TNFSF4: variants seen among roughly 807,000 people sequenced by gnomAD.
The protein encoded by TNFSF4 is TNF superfamily member 4.
TNFSF4 carries 4 observed loss-of-function variants against 7.3 expected under a neutral mutation model. That is an observed-to-expected ratio of 0.55 (90% CI 0.27 to 1.25). The LOEUF (loss-of-function observed/expected upper bound fraction) is 1.25. TNFSF4 is among the 50% of genes most tolerant of loss of function. The pLI, the probability that TNFSF4 is intolerant of heterozygous loss-of-function variation, is 0.12. For synonymous variants in TNFSF4, 76 were observed against 83.7 expected (o/e 0.91, Z 0.50); for missense variants, 181 against 208.8 (o/e 0.87, Z 0.82).
chr1:173,306,763 A>T, the TNFSF4 span, among the ~76,000 whole-genome samples: 3 of 151,830 alleles, frequency 2.0e-5, no homozygotes, highest in East Asian at 5.8e-4. Flanking sequence ...ACTCAATATG[A>T]CTTCCTCCTG....
At chr1:173,391,075 A>C in the TNFSF4 span, among the ~76,000 whole-genome samples, 24 of 152,184 alleles carry the variant, frequency 1.6e-4, no homozygotes, top group Admixed American at 8.5e-4. Flanking sequence ...GAAAAACTAT[A>C]AATTATGAAA....
chr1:173,248,449 A>C, the TNFSF4 span, among the ~76,000 whole-genome samples: 1 of 150,956 alleles, frequency 6.6e-6, no homozygotes, highest in African/African-American at 2.4e-5. Context: ...GAGGAGAAAG[A>C]GAGAGGGAGA....
the TNFSF4 span, among the ~76,000 whole-genome samples, chr1:173,424,377 T>C: frequency 2.0e-5 from 3 of 152,206 alleles, no homozygotes; most frequent in African/African-American, 7.2e-5. Flanking sequence ...TGCATGACTA[T>C]CTATAACGAA....
chr1:173,363,507 T>C, the TNFSF4 span: 1 of 445,962 alleles, frequency 2.2e-6, no homozygotes, highest in African/African-American at 2.1e-5. Context: ...GTTCCAAGCA[T>C]CAAATCTTAC....
the TNFSF4 span, among the ~76,000 whole-genome samples, chr1:173,215,621 AAAC>A: frequency 6.6e-6 from 1 of 152,234 alleles, no homozygotes; most frequent in African/African-American, 2.4e-5. Context: ...CAAAACAAAC[AAAC>A]AAAAAACCTG....
chr1:173,278,746 G>A, the TNFSF4 span, among the ~76,000 whole-genome samples: 11 of 152,050 alleles, frequency 7.2e-5, no homozygotes, highest in East Asian at 3.9e-4. Flanking sequence ...TCCAGAACAC[G>A]TGTTCCAGCT....
the TNFSF4 span, among the ~76,000 whole-genome samples, chr1:173,411,940 A>G: frequency 5.9e-5 from 9 of 152,210 alleles, no homozygotes; most frequent in Admixed American, 5.9e-4. Context: ...CAATACGGTG[A>G]AACCCCGTCT....
chr1:173,414,740 T>C, the TNFSF4 span, among the ~76,000 whole-genome samples: 1 of 152,220 alleles, frequency 6.6e-6, no homozygotes, highest in African/African-American at 2.4e-5. Context: ...ATAACCCAGA[T>C]ATATCCACTG....
the TNFSF4 span, among the ~76,000 whole-genome samples, chr1:173,356,514 A>G: frequency 1.3e-5 from 2 of 152,142 alleles, no homozygotes; most frequent in African/African-American, 2.4e-5. Context: ...TGATCATTTG[A>G]CTATTCTGGT....
the TNFSF4 span, among the ~76,000 whole-genome samples, chr1:173,231,331 C>A: frequency 1.3e-5 from 2 of 152,140 alleles, no homozygotes; most frequent in Non-Finnish European, 2.9e-5. Context: ...ATAAACAGAA[C>A]CAAAGGCAAA....
At chr1:173,302,037 G>A in the TNFSF4 span, among the ~76,000 whole-genome samples, 1 of 151,892 alleles carries the variant, frequency 6.6e-6, no homozygotes, top group Non-Finnish European at 1.5e-5. Context: ...TTAATTTACA[G>A]AAGAGAAATA....
chr1:173,326,688 T>C, the TNFSF4 span, among the ~76,000 whole-genome samples: 4,156 of 152,220 alleles, frequency 0.027, 113 homozygotes, highest in East Asian at 0.14. Flanking sequence ...ACAAAATCAA[T>C]GTGCAAAAAT....
chr1:173,215,005 A>C, the TNFSF4 span, among the ~76,000 whole-genome samples: 1 of 151,922 alleles, frequency 6.6e-6, no homozygotes, highest in Non-Finnish European at 1.5e-5. Flanking sequence ...CCCGACCCCA[A>C]ATTCATATGT....
the TNFSF4 span, among the ~76,000 whole-genome samples, chr1:173,258,318 G>A: frequency 2.6e-5 from 4 of 152,034 alleles, no homozygotes; most frequent in Non-Finnish European, 5.9e-5. Flanking sequence ...TGGTTAGCAC[G>A]ACCTACAAAG....
At chr1:173,428,938 C>CGG in the TNFSF4 span, among the ~76,000 whole-genome samples, 1 of 151,114 alleles carries the variant, frequency 6.6e-6, no homozygotes, top group Non-Finnish European at 1.5e-5. Flanking sequence ...ATCTGGGAGG[C>CGG]GGAGGTTGCA....
At chr1:173,380,435 C>A in the TNFSF4 span, among the ~76,000 whole-genome samples, 5 of 152,140 alleles carry the variant, frequency 3.3e-5, no homozygotes, top group South Asian at 1.0e-3. Context: ...GTAATTACAC[C>A]CTACAACTTC....
the TNFSF4 span, among the ~76,000 whole-genome samples, chr1:173,247,184 G>C: frequency 6.6e-6 from 1 of 152,200 alleles, no homozygotes; most frequent in African/African-American, 2.4e-5. Context: ...TATCTGTATG[G>C]GCTGTCTCTG....
the TNFSF4 span, among the ~76,000 whole-genome samples, chr1:173,412,197 C>G: frequency 2.6e-5 from 4 of 152,074 alleles, no homozygotes; most frequent in African/African-American, 4.8e-5. Context: ...CTTGGCCTGC[C>G]TCTGATTTCA....
the TNFSF4 span, among the ~76,000 whole-genome samples, chr1:173,346,926 T>G: frequency 3.3e-5 from 5 of 152,232 alleles, no homozygotes; most frequent in Admixed American, 1.3e-4. Context: ...ATTCCACACA[T>G]GTACTCAAGA....
Sources: gnomAD v4.1 joint callset for allele counts (sites outside exome capture counted in the v4.1 genomes callset) on GRCh38, gnomAD v4.1.1 for gene constraint, MANE v1.5 for transcripts, NCBI Gene and HGNC (gene_info 2026-07-23, HGNC 2026-07-21) for gene names.